FILIP1L: variants seen among roughly 807,000 people sequenced by gnomAD.
FILIP1L encodes filamin A interacting protein 1 like, also known as filamin A-interacting protein 1-like.
FILIP1L carries 55 observed loss-of-function variants against 96.6 expected under a neutral mutation model. That is an observed-to-expected ratio of 0.57 (90% CI 0.46 to 0.71). FILIP1L has a LOEUF of 0.71. Ranked by LOEUF, FILIP1L falls within the 30% of genes least tolerant of loss-of-function variation. The pLI, the probability that FILIP1L is intolerant of heterozygous loss-of-function variation, is 0.00. For missense variants in FILIP1L, 1,304 were observed against 1,321.2 expected, an observed-to-expected ratio of 0.99 and a Z score of 0.20; for synonymous variants, 467 against 473.9, an observed-to-expected ratio of 0.99 and a Z score of 0.19.
At chr3:99,848,252 G>T in intron 5 of FILIP1L, 43 bp downstream of exon 5, 1 of 1,605,132 alleles carries the variant, frequency 6.2e-7, no homozygotes. Flanking sequence ...TATCAGTATG[G>T]ACTGGATGAG....
rs1707423234 is a variant in FILIP1L at position 99,929,925 on chromosome 3, G to T, written c.357C>A (p.Leu119=). The T allele has an allele frequency of 1.2e-6, 2 of 1,613,418 alleles. No homozygotes were observed. The highest frequency in any genetic ancestry group is 1.7e-5 in the Admixed American group (1 of 59,908). ...ATTTCGCTTGAAAAGCATCTCTCTGGAGAGCCTCTAACACCTTTTTTGGAG... is the reference window on the plus strand; with the variant it reads ...ATTTCGCTTGAAAAGCATCTCTCTGTAGAGCCTCTAACACCTTTTTTGGAG... The part of the protein sequence containing the change: ...FVTPKKVLEA[L]QRDAFQAKST... The change falls in exon 3 of 6, where the codon CTC becomes CTA. Residue 119 remains leucine, a synonymous_variant. Transcript: ENST00000477258.
intron 1 of FILIP1L, among the ~76,000 whole-genome samples, chr3:100,064,624 C>A (rs2065631026): frequency 6.6e-6 from 1 of 152,322 alleles, no homozygotes; most frequent in Middle Eastern, 3.4e-3. Context: ...GGAAGGGAGA[C>A]TGGCAAAAGG....
At chr3:100,009,961 G>A (rs1710096955) in intron 1 of FILIP1L, among the ~76,000 whole-genome samples, 1 of 152,108 alleles carries the variant, frequency 6.6e-6, no homozygotes, top group African/African-American at 2.4e-5. Context: ...TCTAACATTA[G>A]TTACTGTTTC....
intron 4 of FILIP1L, among the ~76,000 whole-genome samples, chr3:99,922,494 G>A (rs965345662): frequency 6.6e-6 from 1 of 152,032 alleles, no homozygotes; most frequent in Non-Finnish European, 1.5e-5. Flanking sequence ...GTGAATATAA[G>A]TGCCATGGAT....
chr3:99,866,393 T>A (rs143284118), intron 4 of FILIP1L, among the ~76,000 whole-genome samples: 1 of 152,238 alleles, frequency 6.6e-6, no homozygotes, highest in East Asian at 1.9e-4. Context: ...AGTGGGAAAT[T>A]CAAACTTCAG....
intron 1 of FILIP1L, among the ~76,000 whole-genome samples, chr3:100,077,202 C>G (rs1454223128): frequency 1.3e-5 from 2 of 152,168 alleles, no homozygotes; most frequent in Non-Finnish European, 2.9e-5. Flanking sequence ...ACATGTTGCT[C>G]GTAGGTTCCA....
intron 1 of FILIP1L, among the ~76,000 whole-genome samples, chr3:99,976,005 C>A (rs991447703): frequency 6.6e-6 from 1 of 152,204 alleles, no homozygotes; most frequent in African/African-American, 2.4e-5. Flanking sequence ...CTGCCTCAGC[C>A]TCCCAAGTAG....
At chr3:100,019,892 T>C (rs1258298625) in intron 1 of FILIP1L, among the ~76,000 whole-genome samples, 3 of 152,178 alleles carry the variant, frequency 2.0e-5, no homozygotes, top group Non-Finnish European at 4.4e-5. Context: ...ACAGTGACTC[T>C]TTTTTTCACT....
intron 4 of FILIP1L, among the ~76,000 whole-genome samples, chr3:99,914,932 T>C (rs543006542): frequency 4.6e-5 from 7 of 152,348 alleles, no homozygotes; most frequent in Admixed American, 3.3e-4. Context: ...TCATGATGTT[T>C]TTGTTAGTGA....
At chr3:99,903,957 A>C (rs1485003262) in intron 4 of FILIP1L, among the ~76,000 whole-genome samples, 1 of 152,228 alleles carries the variant, frequency 6.6e-6, no homozygotes, top group Non-Finnish European at 1.5e-5. Context: ...CAAGTAATAG[A>C]AACAAGCCCA....
intron 1 of FILIP1L, among the ~76,000 whole-genome samples, chr3:100,101,434 C>G (rs1431352483): frequency 1.3e-5 from 2 of 151,974 alleles, no homozygotes. Context: ...TAAAGTAGAT[C>G]GGGTTAGAAG....
rs1445320954 is a variant in FILIP1L at position 100,011,207 on chromosome 3, C to T, written c.-10-80177G>A. ...GTAAGAAGGATGTCTATATTTGATA[C>T]ACTTTCTGTAAAAGTGAGGTAGGTT... On this transcript the variant is annotated intron_variant, in intron 1 of 5. Transcript: ENST00000477258. Among the ~76,000 whole-genome samples, 4 of 152,134 alleles carry T rather than the reference C, an allele frequency of 2.6e-5. No homozygotes were observed. The East Asian group carries it at 5.8e-4, about 22-fold the overall frequency.
intron 1 of FILIP1L, among the ~76,000 whole-genome samples, chr3:100,069,470 A>G (rs2065724230): frequency 1.3e-5 from 2 of 151,970 alleles, no homozygotes; most frequent in South Asian, 4.2e-4. Context: ...TGTGTTCCAG[A>G]CCTTTCTTTT....
chr3:99,928,005 T>C (rs1559691480), intron 3 of FILIP1L, among the ~76,000 whole-genome samples: 1 of 152,304 alleles, frequency 6.6e-6, no homozygotes, highest in East Asian at 1.9e-4. Context: ...ATGATTGAGA[T>C]TTTTTAGGTT....
At chr3:100,088,500 C>T (rs552053045) in intron 1 of FILIP1L, among the ~76,000 whole-genome samples, 1 of 152,114 alleles carries the variant, frequency 6.6e-6, no homozygotes, top group Non-Finnish European at 1.5e-5. Flanking sequence ...ATTTCAAAAT[C>T]TTTATATTTG....
At chr3:99,952,647 AAG>A (rs1708210670) in intron 1 of FILIP1L, among the ~76,000 whole-genome samples, 1 of 152,212 alleles carries the variant, frequency 6.6e-6, no homozygotes, top group Admixed American at 6.5e-5. Context: ...CACAGAGAGA[AAG>A]AGAGCACTGT....
At chr3:99,934,315 C>A (rs2107667322) in intron 1 of FILIP1L, among the ~76,000 whole-genome samples, 1 of 152,292 alleles carries the variant, frequency 6.6e-6, no homozygotes, top group Middle Eastern at 3.4e-3. Flanking sequence ...TTCACCACAC[C>A]CACAGATTCA....
At chr3:99,905,050 A>G (rs1706568483) in intron 4 of FILIP1L, among the ~76,000 whole-genome samples, 1 of 152,194 alleles carries the variant, frequency 6.6e-6, no homozygotes, top group Non-Finnish European at 1.5e-5. Context: ...GCTCCATGCC[A>G]GTTAACATAG....
At position 99,848,371 on chromosome 3, in the gene FILIP1L, T is replaced by C. The variant is rs1429500199; in HGVS notation, c.3305A>G (p.Lys1102Arg). Reference protein sequence around the residue: ...TQGLINGALNKTTNKVTSSIT... With the variant: ...TQGLINGALNRTTNKVTSSIT... ...ACTGCTGGTGACTTTATTGGTTGTT[T>C]TGTTTAGTGCCCCGTTAATTAAGCC... is the stretch of plus-strand genomic sequence containing the variant. The change falls in exon 5 of 6, where the codon AAA (lysine) becomes AGA (arginine). Residue 1102 changes from lysine to arginine, a missense_variant. Transcript: ENST00000477258. The C allele has an allele frequency of 6.2e-7, 1 of 1,614,204 alleles. No homozygotes were observed.
Sources: allele counts gnomAD v4.1 joint callset (sites outside exome capture counted in the v4.1 genomes callset), GRCh38; gene constraint gnomAD v4.1.1; transcripts MANE v1.5; gene names NCBI Gene and HGNC (gene_info 2026-07-23, HGNC 2026-07-21).